The following ISOC1 variants were observed in gnomAD, a reference collection of about 807,000 sequenced individuals.
ISOC1 encodes isochorismatase domain containing 1.
ISOC1 carries 33 observed loss-of-function variants against 30.0 expected under a neutral mutation model. The observed-to-expected ratio is 1.10, with a 90% CI of 0.83 to 1.47. The LOEUF (loss-of-function observed/expected upper bound fraction) is 1.47, where lower values mean the gene tolerates loss of function less well. Ranked by LOEUF, ISOC1 falls within the 40% of genes most tolerant of loss-of-function variation. The probability of loss-of-function intolerance (pLI) is 0.00; values close to 1 mark genes in which losing one functional copy is unlikely to be tolerated. For missense variants in ISOC1, 372 were observed against 388.0 expected (o/e 0.96, Z 0.35); for synonymous variants, 178 against 159.8 (o/e 1.11, Z -0.86).
In ISOC1 at chr5:129,113,048, G is replaced by T; in HGVS notation, c.*47G>T. The T allele has an allele frequency of 1.3e-6, 2 of 1,524,268 alleles. No individual in the cohort carries two copies. The highest frequency in any genetic ancestry group is 2.4e-5 in the South Asian group (2 of 81,784). The allele number at this position is 1,524,268 out of a possible 1,614,324, so 94.4% of individuals were successfully genotyped here. ...CTACTCACTGGTGAAGGACAGTCAG[G>T]TGAAGGACTGTAAGCCCACACAAGC... On this transcript the variant is annotated 3_prime_UTR_variant, in exon 5 of 5. Coordinates refer to ENST00000173527, the MANE Select transcript of ISOC1 (RefSeq NM_016048.2).
chr5:129,108,673 G>A (rs576304707), intron 4 of ISOC1, among the ~76,000 whole-genome samples: 3 of 152,098 alleles, frequency 2.0e-5, no homozygotes, highest in South Asian at 2.1e-4. Context: ...CACTGCACCC[G>A]GCTAATTTTT....
intron 4 of ISOC1, among the ~76,000 whole-genome samples, chr5:129,111,987 C>T (rs1274183452): frequency 6.6e-6 from 1 of 152,108 alleles, no homozygotes; most frequent in East Asian, 1.9e-4. Flanking sequence ...AGAGAGAGCT[C>T]TTTTAGCACC....
At chr5:129,098,581 TC>T (rs1412796489) in intron 1 of ISOC1, among the ~76,000 whole-genome samples, 1 of 152,196 alleles carries the variant, frequency 6.6e-6, no homozygotes, top group Non-Finnish European at 1.5e-5. Flanking sequence ...CAGTGCATTT[TC>T]CAGCCTGTGG....
chr5:129,097,046 G>A (rs972055160), intron 1 of ISOC1, among the ~76,000 whole-genome samples: 1 of 152,060 alleles, frequency 6.6e-6, no homozygotes, highest in Non-Finnish European at 1.5e-5. Flanking sequence ...TGGTATAGGA[G>A]ATTATGTATA....
chr5:129,100,645 T>G (rs1753559439), intron 1 of ISOC1, among the ~76,000 whole-genome samples: 1 of 152,186 alleles, frequency 6.6e-6, no homozygotes. Flanking sequence ...CATGTAAATG[T>G]TTGGCTACTG....
intron 1 of ISOC1, among the ~76,000 whole-genome samples, chr5:129,096,164 A>G (rs573297043): frequency 1.3e-5 from 2 of 152,326 alleles, no homozygotes; most frequent in African/African-American, 4.8e-5. Context: ...GGGTAATTGG[A>G]ATATCCATTA....
At position 129,094,763 on chromosome 5, in the gene ISOC1, G is replaced by A. The variant is rs1447840451; in HGVS notation, c.-4G>A. ...CCTCGGAGCTCGCAGACGCTCGGGG[G>A]AACATGGCGGCTGCGGAGCCGGCGG... On this transcript the variant is annotated 5_prime_UTR_variant, in exon 1 of 5. Transcript: ENST00000173527. 3 of 1,490,566 alleles carry A rather than the reference G, an allele frequency of 2.0e-6. No homozygotes were observed. Among genetic ancestry groups the A allele is most frequent in the African/African-American group, 1.4e-5 (1 of 69,266 alleles). 92.3% of individuals were successfully genotyped at this position (1,490,566 alleles called of 1,614,324 possible). A position where few individuals can be genotyped will look rare whatever the true frequency, so the allele number is the denominator to read the frequency against.
At position 129,114,002 on chromosome 5, in the gene ISOC1, CTTTTA is replaced by C. The variant is rs978038633; in HGVS notation, c.*1003_*1007del. On this transcript the variant is annotated 3_prime_UTR_variant, in exon 5 of 5. Transcript: ENST00000173527. ...AATATGTGAAATGTGAAACTGCTGT[CTTTTA>C]TATTAAAGTAATTAAAGAAAATGTA... 2.0e-4 allele frequency: 31 copies of C among 152,192 alleles called. No homozygotes were observed. Among genetic ancestry groups the C allele is most frequent in the Middle Eastern group, 3.4e-3 (1 of 294 alleles). 9.4% of individuals were successfully genotyped at this position (152,192 alleles called of 1,614,324 possible).
At chr5:129,111,609 AAC>A (rs1753709913) in intron 4 of ISOC1, among the ~76,000 whole-genome samples, 1 of 152,118 alleles carries the variant, frequency 6.6e-6, no homozygotes, top group Admixed American at 6.6e-5. Context: ...TTTTTGTGAT[AAC>A]AGTTTGTGTC....
rs1580791903 is a variant in ISOC1, at chr5:129,113,934, A to G, written c.*933A>G. On this transcript the variant is annotated 3_prime_UTR_variant, in exon 5 of 5. Coordinates refer to ENST00000173527, the MANE Select transcript of ISOC1 (RefSeq NM_016048.2). ...GTCATTGTTTCTCTTCGATAAATTT[A>G]TTTTCATTAAATACTTGTTAGAGGG... The G allele has an allele frequency of 1.3e-5, 2 of 152,086 alleles. No homozygotes were observed. Among genetic ancestry groups the G allele is most frequent in the Non-Finnish European group, 2.9e-5 (2 of 68,004 alleles). 9.4% of individuals were successfully genotyped at this position (152,086 alleles called of 1,614,324 possible). A position where few individuals can be genotyped will look rare whatever the true frequency, so the allele number is the denominator to read the frequency against.
intron 4 of ISOC1, among the ~76,000 whole-genome samples, chr5:129,108,259 A>G (rs1753661500): frequency 6.6e-6 from 1 of 152,184 alleles, no homozygotes; most frequent in East Asian, 1.9e-4. Flanking sequence ...ATCAGAGGAA[A>G]GAAGGGATGA....
intron 1 of ISOC1, among the ~76,000 whole-genome samples, chr5:129,099,250 G>C (rs1346895860): frequency 6.6e-6 from 1 of 152,132 alleles, no homozygotes; most frequent in Non-Finnish European, 1.5e-5. Context: ...TCCCAATGTA[G>C]ATTCAAATGT....
intron 3 of ISOC1, among the ~76,000 whole-genome samples, chr5:129,106,176 C>A (rs888198736): frequency 1.8e-4 from 27 of 152,084 alleles, no homozygotes; most frequent in Non-Finnish European, 4.4e-5. Flanking sequence ...CATCATTAGA[C>A]CTTATGCTCA....
At chr5:129,100,781 G>T (rs547291754) in intron 1 of ISOC1, among the ~76,000 whole-genome samples, 2 of 152,172 alleles carry the variant, frequency 1.3e-5, no homozygotes, top group African/African-American at 4.8e-5. Flanking sequence ...TGGATTTGGG[G>T]TGAGGATTTG....
At chr5:129,100,114 G>A (rs1397593630) in intron 1 of ISOC1, among the ~76,000 whole-genome samples, 4 of 98,478 alleles carry the variant, frequency 4.1e-5, no homozygotes, top group African/African-American at 1.1e-4. Context: ...GTGAAATAAC[G>A]ATGCCCCAGG....
intron 1 of ISOC1, among the ~76,000 whole-genome samples, chr5:129,097,351 C>A (rs867218421): frequency 6.6e-6 from 1 of 151,840 alleles, no homozygotes; most frequent in South Asian, 2.1e-4. Flanking sequence ...CTTCTGATAC[C>A]GATTTATGTC....
At chr5:129,110,639 C>T (rs935821967) in intron 4 of ISOC1, among the ~76,000 whole-genome samples, 4 of 151,720 alleles carry the variant, frequency 2.6e-5, no homozygotes, top group East Asian at 3.9e-4. Context: ...ACTTCCCACT[C>T]TGCCCCTGCT....
At position 129,105,365 on chromosome 5, in the gene ISOC1, AGT is replaced by A; in HGVS notation, c.613_614del (p.Val205CysfsTer30). Reference protein sequence around the residue: ...AALAEIPGVRSVVLFGVETHV... With the variant: ...AALAEIPGVRXVVLFGVETHV... ...ATTAGCAGAGATTCCCGGAGTCAGG[AGT>A]GTTGTATTATTTGGAGTAGAAGTAA... is the stretch of plus-strand genomic sequence containing the variant. On this transcript the variant is annotated frameshift_variant, in exon 3 of 5. Transcript: ENST00000173527. LOFTEE classifies it high-confidence loss of function. The A allele has an allele frequency of 6.2e-7, 1 of 1,613,640 alleles. No individual in the cohort carries two copies. Among genetic ancestry groups the A allele is most frequent in the East Asian group, 2.2e-5 (1 of 44,866 alleles).
At chr5:129,102,015 T>G (rs78971998) in intron 1 of ISOC1, among the ~76,000 whole-genome samples, 9,046 of 152,200 alleles carry the variant, frequency 0.059, 880 homozygotes, top group African/African-American at 0.21. Context: ...AAGGTACATG[T>G]TATTAACATG....
Sources: allele counts gnomAD v4.1 joint callset (sites outside exome capture counted in the v4.1 genomes callset), GRCh38; gene constraint gnomAD v4.1.1; transcripts MANE v1.5; gene names NCBI Gene and HGNC (gene_info 2026-07-23, HGNC 2026-07-21).